The following SLC36A3 variants were observed in gnomAD, a reference collection of about 807,000 sequenced individuals.
SLC36A3 encodes proton-coupled amino acid transporter 3.
In SLC36A3, 35 loss-of-function variants were observed where a neutral mutation model predicts 44.3. The ratio of observed to expected loss-of-function variants is 0.79; its 90% CI spans 0.60 to 1.05. The LOEUF (loss-of-function observed/expected upper bound fraction) is 1.05. Ranked by LOEUF, SLC36A3 falls within the 50% of genes least tolerant of loss-of-function variation. SLC36A3 has a pLI of 0.00. For missense variants in SLC36A3, 540 were observed against 578.7 expected, an observed-to-expected ratio of 0.93 and a Z score of 0.69; for synonymous variants, 211 against 227.6, an observed-to-expected ratio of 0.93 and a Z score of 0.66.
chr5:151,292,379 C>A (rs1445005235), intron 4 of SLC36A3, among the ~76,000 whole-genome samples: 1 of 152,166 alleles, frequency 6.6e-6, no homozygotes, highest in Admixed American at 6.5e-5. Context: ...CTCACTACCT[C>A]CTGAGGGACT....
At chr5:151,288,269 T>C in intron 5 of SLC36A3, 117 bp downstream of exon 5, 1 of 661,334 alleles carries the variant, frequency 1.5e-6, no homozygotes, top group Admixed American at 3.5e-5. Flanking sequence ...TGGTCTGATC[T>C]AGGAGTAGAA....
At chr5:151,303,074 C>T (rs939511326) in intron 1 of SLC36A3, among the ~76,000 whole-genome samples, 153 bp downstream of exon 1, 4 of 152,188 alleles carry the variant, frequency 2.6e-5, no homozygotes, top group Admixed American at 1.3e-4. Flanking sequence ...CAGGGATTGA[C>T]CTCCTTAGAT....
intron 4 of SLC36A3, among the ~76,000 whole-genome samples, 154 bp downstream of exon 4, chr5:151,293,209 AG>A (rs1164842030): frequency 6.6e-6 from 1 of 152,236 alleles, no homozygotes. Context: ...TTATGGGTAC[AG>A]AGTGAGATGG....
At chr5:151,281,217 G>T (rs764991883) in intron 8 of SLC36A3, 34 bp from the exon 9 acceptor site, 1 of 1,575,108 alleles carries the variant, frequency 6.3e-7, no homozygotes, top group South Asian at 1.2e-5. Flanking sequence ...GAAAGGTGAT[G>T]TGGCTCCCCG....
chr5:151,277,335 C>T lies in SLC36A3; in HGVS notation c.*58G>A, dbSNP rs184046035. 922 of 1,596,186 alleles carry T rather than the reference C, an allele frequency of 5.8e-4. 6 individuals are homozygous for T. In the African/African-American group the frequency reaches 0.011, roughly 20 times the overall value. On this transcript the variant is annotated 3_prime_UTR_variant, in exon 10 of 10. Coordinates refer to ENST00000335230, the MANE Select transcript of SLC36A3 (RefSeq NM_181774.4). ...ATTTGATGAAGGTATATAACATCCA[C>T]ATGGAAGTCAAACTGGGGATGGGAG...
At chr5:151,295,408 A>G (rs987361899) in intron 3 of SLC36A3, among the ~76,000 whole-genome samples, 6 of 152,230 alleles carry the variant, frequency 3.9e-5, no homozygotes, top group Admixed American at 2.0e-4. Context: ...TGCTCTTAAA[A>G]GCGTTTTGTG....
At chr5:151,287,097 G>A in intron 6 of SLC36A3, 149 bp downstream of exon 6, 1 of 642,590 alleles carries the variant, frequency 1.6e-6, no homozygotes, top group Non-Finnish European at 2.6e-6. Flanking sequence ...TTGTGGGACA[G>A]AAGTGTTCCT....
chr5:151,284,435 C>A (rs1456553659), intron 7 of SLC36A3, among the ~76,000 whole-genome samples, 178 bp downstream of exon 7: 1 of 152,184 alleles, frequency 6.6e-6, no homozygotes, highest in Non-Finnish European at 1.5e-5. Flanking sequence ...GTCTTCAATG[C>A]TTAGCGTGGT....
In SLC36A3 at chr5:151,281,148, C is replaced by T. The variant is rs1326665143; in HGVS notation, c.1010G>A (p.Gly337Asp). ...YQSVKLMYSI[G>D]IFFTYALQFH... Reference sequence around the variant, plus strand: ...CTGGAGGGCATAGGTGAAGAAGATGCCGATAGAGTACATCAGCTTGACTGA... The same window carrying T: ...CTGGAGGGCATAGGTGAAGAAGATGTCGATAGAGTACATCAGCTTGACTGA... The change falls in exon 9 of 10, where the codon GGC (glycine) becomes GAC (aspartate). Residue 337 changes from glycine (G) to aspartate (D), a missense_variant. Transcript: ENST00000335230. The T allele has an allele frequency of 4.3e-6, 7 of 1,613,432 alleles. No individual in the cohort carries two copies. In the African/African-American group the frequency reaches 9.3e-5, roughly 22 times the overall value.
intron 1 of SLC36A3, among the ~76,000 whole-genome samples, chr5:151,300,886 C>T (rs1166087481): frequency 6.6e-6 from 1 of 152,228 alleles, no homozygotes; most frequent in Non-Finnish European, 1.5e-5. Flanking sequence ...AAGAGAACCG[C>T]TATGCATGCT....
At chr5:151,282,821 G>A (rs10476970) in intron 8 of SLC36A3, among the ~76,000 whole-genome samples, 24,656 of 151,908 alleles carry the variant, frequency 0.16, 2,596 homozygotes, top group East Asian at 0.3. Context: ...GTGTGTCGAT[G>A]CATGCATCTT....
chr5:151,284,568 G>A, intron 7 of SLC36A3, 45 bp downstream of exon 7: 1 of 1,468,582 alleles, frequency 6.8e-7, no homozygotes, highest in Non-Finnish European at 9.4e-7. Context: ...GTTGGCCACT[G>A]TAGAGGGCGC....
chr5:151,279,960 G>C (rs1258053407), intron 9 of SLC36A3, among the ~76,000 whole-genome samples: 1 of 152,074 alleles, frequency 6.6e-6, no homozygotes, highest in African/African-American at 2.4e-5. Context: ...GCTTCTCCAG[G>C]CAAAACATCC....
intron 8 of SLC36A3, among the ~76,000 whole-genome samples, chr5:151,281,483 G>A (rs1040529173): frequency 1.6e-4 from 24 of 152,128 alleles, no homozygotes; most frequent in African/African-American, 5.3e-4. Flanking sequence ...GAGTCAGTAG[G>A]CCTGCAGCTC....
intron 5 of SLC36A3, among the ~76,000 whole-genome samples, chr5:151,288,111 G>C (rs1561633218): frequency 2.0e-5 from 3 of 152,182 alleles, no homozygotes; most frequent in Non-Finnish European, 4.4e-5. Context: ...AATGTCACCA[G>C]TGTTTTTCAG....
rs1488251151 is a variant in SLC36A3, at chr5:151,284,116, A to G, written c.902T>C (p.Leu301Pro). 5 of 1,614,074 alleles carry G rather than the reference A, an allele frequency of 3.1e-6. No individual in the cohort carries two copies. Among genetic ancestry groups the G allele is most frequent in the Non-Finnish European group, 4.2e-6 (5 of 1,180,044 alleles). Residue 301 changes from leucine (L) to proline (P), a missense_variant, in exon 8 of 10, where the codon CTG becomes CCG. Coordinates refer to ENST00000335230, the MANE Select transcript of SLC36A3 (RefSeq NM_181774.4). ...MSIVIILYILLGTLGYMKFGS... is the reference protein window; with the variant it reads ...MSIVIILYILPGTLGYMKFGS... ...AAACTTCATGTAGCCCAGTGTCCCC[A>G]GTAAGATATAGAGGATGATGACAAT...
chr5:151,278,298 AC>A (rs1308954818), intron 9 of SLC36A3, among the ~76,000 whole-genome samples: 1 of 150,468 alleles, frequency 6.6e-6, no homozygotes, highest in African/African-American at 2.4e-5. Flanking sequence ...AAGCTATCCA[AC>A]CCCCATCCTT....
intron 6 of SLC36A3, 101 bp from the exon 7 acceptor site, chr5:151,284,812 G>A: frequency 1.4e-6 from 1 of 694,398 alleles, no homozygotes; most frequent in Non-Finnish European, 2.4e-6. Flanking sequence ...TCTCAACAGA[G>A]AAAATCAGAA....
In SLC36A3 at chr5:151,296,228, A is replaced by G. The variant is rs1188471346; in HGVS notation, c.260T>C (p.Val87Ala). 19 of 1,614,068 alleles carry G rather than the reference A, an allele frequency of 1.2e-5. No individual in the cohort carries two copies. The highest frequency in any genetic ancestry group is 1.5e-5 in the Non-Finnish European group (18 of 1,180,032). ...VSLLAIGVLT[V>A]HCMVILLNCA... Reference sequence around the variant, plus strand: ...GTTCAACAGGATGACCATGCAGTGCACGGTGAGGACCCCGATGGCCAGAAG... The same window carrying G: ...GTTCAACAGGATGACCATGCAGTGCGCGGTGAGGACCCCGATGGCCAGAAG... Residue 87 changes from valine (V) to alanine (A), a missense_variant, in exon 3 of 10, where the codon GTG (valine) becomes GCG (alanine). Transcript: ENST00000335230.
Sources: gnomAD v4.1 joint callset for allele counts (sites outside exome capture counted in the v4.1 genomes callset) on GRCh38, gnomAD v4.1.1 for gene constraint, MANE v1.5 for transcripts, NCBI Gene and HGNC (gene_info 2026-07-23, HGNC 2026-07-21) for gene names.